The following ZBED6 variants were observed in gnomAD, a reference collection of about 807,000 sequenced individuals.
The protein encoded by ZBED6 is zinc finger BED-type containing 6, also known as zinc finger BED domain-containing protein 6.
ZBED6 carries 40 observed loss-of-function variants against 58.4 expected under a neutral mutation model. The ratio of observed to expected loss-of-function variants is 0.68; its 90% CI spans 0.53 to 0.89. The LOEUF is 0.89. Among genes scored for constraint, ZBED6 ranks in the 40% least tolerant of loss-of-function variants. The pLI is 0.00. For synonymous variants in ZBED6, 439 were observed against 350.6 expected, an observed-to-expected ratio of 1.25 and a Z score of -2.82; for missense variants, 1,057 against 1,003.9, an observed-to-expected ratio of 1.05 and a Z score of -0.71.
chr1:203,807,746 T>C lies in ZBED6; in HGVS notation c.*2554+4730T>C, dbSNP rs189729623. Reference sequence around the variant, plus strand: ...GGTCTCACTATGTTGCCCAGGCTTATTTATTTATTTTTTGAGAGAGGGTCT... The same window carrying C: ...GGTCTCACTATGTTGCCCAGGCTTACTTATTTATTTTTTGAGAGAGGGTCT... On this transcript the variant is annotated intron_variant, in intron 1 of 16. Coordinates refer to ENST00000550078, the Ensembl canonical transcript of ZBED6. 1.7e-3 allele frequency among the ~76,000 whole-genome samples: 265 copies of C among 152,092 alleles called. 2 individuals are homozygous for C. The highest frequency in any genetic ancestry group is 6.0e-3 in the African/African-American group (247 of 41,482).
intron 11 of ZBED6, among the ~76,000 whole-genome samples, chr1:203,842,603 GA>G (rs1686745703): frequency 6.8e-6 from 1 of 147,644 alleles, no homozygotes; most frequent in Non-Finnish European, 1.5e-5. Context: ...AGACCGGGGA[GA>G]GGGGGAGGGG....
Position 203,840,339 on chromosome 1 carries a change from G to A in ZBED6, c.*3706G>A, listed in dbSNP as rs970279569. 5 of 1,612,988 alleles carry A rather than the reference G, an allele frequency of 3.1e-6. 1 individual carries two copies. The highest frequency in any genetic ancestry group is 4.2e-6 in the Non-Finnish European group (5 of 1,179,330). ...TCCAAGTCTCTTAAGGAGCGATTAG[G>A]CATGTCAGCTGATCCAGATAATGAG... On this transcript the variant is annotated 3_prime_UTR_variant, in exon 11 of 17. Transcript: ENST00000550078.
intron 13 of ZBED6, 139 bp downstream of exon 13, chr1:203,848,546 T>C (rs1366852996): frequency 1.0e-5 from 7 of 673,252 alleles, no homozygotes; most frequent in Admixed American, 3.3e-5. Context: ...TAATTTCTTA[T>C]GAGAATTTCC....
At position 203,797,999 on chromosome 1, in the gene ZBED6, CA is replaced by C. The variant is rs901977222; in HGVS notation, c.478del (p.Arg160GlyfsTer64). On this transcript the variant is annotated frameshift_variant, in exon 1 of 17. Coordinates refer to ENST00000550078, the Ensembl canonical transcript of ZBED6. LOFTEE classifies it high-confidence loss of function. ...GTAACCTCTGTGAGAAAAGCGTCAGCAGGGGTAAACCAGGTAGCCATCTTGG... is the reference window on the plus strand; with the variant it reads ...GTAACCTCTGTGAGAAAAGCGTCAGCGGGGTAAACCAGGTAGCCATCTTGG... 6.5e-7 allele frequency: 1 copy of C among 1,533,756 alleles called. No homozygotes were observed. The highest frequency in any genetic ancestry group is 8.7e-7 in the Non-Finnish European group (1 of 1,144,732).
chr1:203,850,459 C>A (rs1456253270), intron 14 of ZBED6, 56 bp from the exon 15 acceptor site: 1 of 1,587,374 alleles, frequency 6.3e-7, no homozygotes, highest in African/African-American at 1.3e-5. Flanking sequence ...CTGAATTATT[C>A]CCCATTTAAA....
exon 1 of ZBED6, chr1:203,798,164 C>G: frequency 2.0e-6 from 3 of 1,536,102 alleles, no homozygotes; most frequent in Non-Finnish European, 2.6e-6. Flanking sequence ...GCAATGGAAG[C>G]TTTGAATATA....
In ZBED6 at chr1:203,847,161, A is replaced by G. The variant is rs747607711; in HGVS notation, c.*3742-23A>G. Reference sequence around the variant, plus strand: ...AGAGATGAACTTCAAGTATAATGACATGTTTTTCTCCTGTGAAAACAGATA... The same window carrying G: ...AGAGATGAACTTCAAGTATAATGACGTGTTTTTCTCCTGTGAAAACAGATA... On this transcript the variant is annotated intron_variant, in intron 11 of 16. Transcript: ENST00000550078. 1.1e-5 allele frequency: 17 copies of G among 1,610,060 alleles called. No homozygotes were observed. In the East Asian group the frequency reaches 3.8e-4, roughly 36 times the overall value.
At chr1:203,818,620 T>C (rs764510525) in exon 3 of ZBED6, 1 of 1,614,182 alleles carries the variant, frequency 6.2e-7, no homozygotes, top group Non-Finnish European at 8.5e-7. Context: ...GAAATGAAAC[T>C]GTTTGCACAT....
chr1:203,799,105 C>T (rs1453193737), exon 1 of ZBED6: 6 of 1,534,886 alleles, frequency 3.9e-6, no homozygotes, highest in Non-Finnish European at 8.7e-7. Context: ...CTTTGTGTTA[C>T]AGGTTTGGCT....
intron 1 of ZBED6, among the ~76,000 whole-genome samples, chr1:203,814,466 G>A (rs552137159): frequency 6.6e-6 from 1 of 152,262 alleles, no homozygotes; most frequent in Admixed American, 6.5e-5. Flanking sequence ...AGAGGTTGCA[G>A]TGAGCCAAGA....
chr1:203,827,639 G>A (rs918582769), intron 3 of ZBED6, among the ~76,000 whole-genome samples: 1 of 150,154 alleles, frequency 6.7e-6, no homozygotes, highest in African/African-American at 2.5e-5. Flanking sequence ...CGGAGATCGC[G>A]CCACTGCACT....
chr1:203,813,779 G>T (rs536966678), intron 1 of ZBED6, among the ~76,000 whole-genome samples: 2 of 152,132 alleles, frequency 1.3e-5, no homozygotes, highest in South Asian at 4.1e-4. Flanking sequence ...GTTTGTAGAT[G>T]CATCACTCCA....
intron 1 of ZBED6, among the ~76,000 whole-genome samples, chr1:203,806,739 C>G (rs1021247778): frequency 6.6e-6 from 1 of 151,028 alleles, no homozygotes; most frequent in Non-Finnish European, 1.5e-5. Context: ...ATTGCATATG[C>G]TGATGATTTC....
At chr1:203,810,185 A>G (rs924976200) in intron 1 of ZBED6, among the ~76,000 whole-genome samples, 13 of 151,264 alleles carry the variant, frequency 8.6e-5, no homozygotes, top group Non-Finnish European at 1.6e-4. Flanking sequence ...TCTGTTGCCC[A>G]GGCTGTTCTT....
At position 203,799,863 on chromosome 1, in the gene ZBED6, T is replaced by G. The variant is rs141371082; in HGVS notation, c.2341T>G (p.Phe781Val). The change falls in exon 1 of 17, where the codon TTT (phenylalanine) becomes GTT (valine). Residue 781 changes from phenylalanine (F) to valine (V), a missense_variant. Phe to Val is a conservative substitution (Grantham distance 50, BLOSUM62 -1). Transcript: ENST00000550078. ...TTGCTTTAAAAACAGTTTGGAAGAC[T>G]TTTTTCCTCAAGGTGCTGATTTAGA... 3.6e-4 allele frequency: 560 copies of G among 1,535,198 alleles called. 1 individual carries two copies. In the African/African-American group the frequency reaches 6.9e-3, roughly 19 times the overall value.
At chr1:203,841,683 G>A (rs1686261393) in intron 11 of ZBED6, among the ~76,000 whole-genome samples, 1 of 152,168 alleles carries the variant, frequency 6.6e-6, no homozygotes, top group Non-Finnish European at 1.5e-5. Flanking sequence ...CCTCCCAGAC[G>A]GGGTGGTGGC....
chr1:203,829,327 G>A (rs1681523874), intron 4 of ZBED6, 124 bp from the exon 5 acceptor site: 3 of 970,046 alleles, frequency 3.1e-6, no homozygotes, highest in Non-Finnish European at 4.6e-6. Flanking sequence ...GAACTTAAAT[G>A]AGGAAATTTA....
intron 9 of ZBED6, 78 bp downstream of exon 9, chr1:203,833,931 A>G (rs1232038225): frequency 2.0e-6 from 3 of 1,518,140 alleles, no homozygotes; most frequent in East Asian, 2.3e-5. Flanking sequence ...AACTCTTTTT[A>G]TACAGATCTT....
intron 10 of ZBED6, 123 bp downstream of exon 10, chr1:203,838,187 T>G: frequency 1.1e-6 from 1 of 922,850 alleles, no homozygotes; most frequent in East Asian, 2.7e-5. Flanking sequence ...ATTTGTTATA[T>G]TATTCACTCA....
Sources: gnomAD v4.1 joint callset for allele counts (sites outside exome capture counted in the v4.1 genomes callset) on GRCh38, gnomAD v4.1.1 for gene constraint, MANE v1.5 for transcripts, NCBI Gene and HGNC (gene_info 2026-07-23, HGNC 2026-07-21) for gene names.